The following ARSG variants were observed in gnomAD, a reference collection of about 807,000 sequenced individuals.
ARSG encodes the protein arylsulfatase G, also known as ASG.
Under a neutral mutation model 50.5 loss-of-function variants are expected in ARSG, and 37 were observed. The ratio of observed to expected loss-of-function variants is 0.73; its 90% CI spans 0.56 to 0.96. The LOEUF (loss-of-function observed/expected upper bound fraction) is 0.96. Ranked by LOEUF, ARSG falls within the 50% of genes least tolerant of loss-of-function variation. The pLI is 0.00. For synonymous variants in ARSG, 225 were observed against 254.6 expected (o/e 0.88, Z 1.11); for missense variants, 629 against 675.3 (o/e 0.93, Z 0.76).
Position 68,420,803 on chromosome 17 carries a change from C to A in ARSG, c.*340C>A, listed in dbSNP as rs2082722844. ...TTAAATAAAGGCATACATGAAAATG[C>A]CTGGCAAATTACCTGACACAGAGCA... is the stretch of plus-strand genomic sequence containing the variant. On this transcript the variant is annotated 3_prime_UTR_variant, in exon 12 of 12. Coordinates refer to ENST00000621439, the MANE Select transcript of ARSG (RefSeq NM_001267727.2). 1.4e-5 allele frequency: 4 copies of A among 286,538 alleles called. No individual in the cohort carries two copies. In the Middle Eastern group the frequency reaches 3.1e-3, roughly 221 times the overall value. The allele number at this position is 286,538 out of a possible 1,614,324, so 17.7% of individuals were successfully genotyped here.
chr17:68,380,383 C>T (rs1044071719), intron 8 of ARSG, among the ~76,000 whole-genome samples: 3 of 151,864 alleles, frequency 2.0e-5, no homozygotes, highest in South Asian at 2.1e-4. Flanking sequence ...CTTGGACTAC[C>T]AGCTAGGACT....
intron 2 of ARSG, among the ~76,000 whole-genome samples, chr17:68,309,241 C>T (rs2145625462): frequency 6.6e-6 from 1 of 152,358 alleles, no homozygotes; most frequent in South Asian, 2.1e-4. Context: ...CCCGGAACTC[C>T]AGCTGGCCCA....
downstream of ARSG, chr17:68,421,679 G>A: frequency 5.7e-6 from 9 of 1,565,266 alleles, no homozygotes; most frequent in Non-Finnish European, 7.9e-6. Context: ...CCCCCTTTCT[G>A]CTCACACAAT....
chr17:68,363,270 C>T (rs1383009338), intron 6 of ARSG, among the ~76,000 whole-genome samples: 2 of 152,056 alleles, frequency 1.3e-5, no homozygotes, highest in East Asian at 1.9e-4. Context: ...AGGGAGAATA[C>T]TGCTGAGAGA....
At chr17:68,370,606 G>C (rs2079790711) in intron 8 of ARSG, 82 bp downstream of exon 8, 1 of 1,293,932 alleles carries the variant, frequency 7.7e-7, no homozygotes, top group African/African-American at 1.5e-5. Flanking sequence ...TCCGGGTGGG[G>C]GACAACTTAT....
intron 8 of ARSG, among the ~76,000 whole-genome samples, chr17:68,371,508 C>T (rs2079845457): frequency 6.6e-6 from 1 of 152,140 alleles, no homozygotes; most frequent in Non-Finnish European, 1.5e-5. Flanking sequence ...AACTCAGCTC[C>T]CATCTGCTCT....
chr17:68,260,365 C>T (rs181076159), intron 1 of ARSG, among the ~76,000 whole-genome samples: 119 of 152,266 alleles, frequency 7.8e-4, no homozygotes, highest in African/African-American at 2.6e-3. Context: ...GGGTTGTTTA[C>T]AAGGGATTAT....
intron 4 of ARSG, among the ~76,000 whole-genome samples, chr17:68,349,513 G>A (rs1382708862): frequency 6.6e-6 from 1 of 152,164 alleles, no homozygotes; most frequent in Non-Finnish European, 1.5e-5. Flanking sequence ...GCATTTCAGG[G>A]CTATGTTGTG....
Position 68,385,063 on chromosome 17 carries a change from G to T in ARSG, c.983-1G>T. 6.2e-7 allele frequency: 1 copy of T among 1,613,528 alleles called. No individual in the cohort carries two copies. The highest frequency in any genetic ancestry group is 8.5e-7 in the Non-Finnish European group (1 of 1,179,586). On this transcript the variant is annotated splice_acceptor_variant, in intron 8 of 11. Transcript: ENST00000621439. LOFTEE classifies it high-confidence loss of function. ...ACCAGCTGCCTCCCCTCCTCTCACA[G>T]GGGGAAGTCCAGCCAAGCAGACGAC...
intron 8 of ARSG, among the ~76,000 whole-genome samples, chr17:68,373,620 C>T (rs569044384): frequency 1.3e-5 from 2 of 152,290 alleles, no homozygotes; most frequent in East Asian, 3.9e-4. Flanking sequence ...TATCTTGTGT[C>T]TGGAAATTTG....
chr17:68,361,040 G>T (rs1326883254), intron 6 of ARSG, among the ~76,000 whole-genome samples: 6 of 152,126 alleles, frequency 3.9e-5, no homozygotes, highest in African/African-American at 1.4e-4. Flanking sequence ...GGCCAAGCTT[G>T]TCTCGAACTC....
intron 2 of ARSG, among the ~76,000 whole-genome samples, chr17:68,313,094 T>C (rs924467452): frequency 7.9e-5 from 12 of 152,044 alleles, no homozygotes; most frequent in Middle Eastern, 3.4e-3. Flanking sequence ...ACGCTGTCAC[T>C]ACTAAAAATA....
chr17:68,420,435 A>G lies in ARSG; in HGVS notation c.1550A>G (p.Gln517Arg). 1 of 1,614,066 alleles carries G rather than the reference A, an allele frequency of 6.2e-7. No homozygotes were observed. The highest frequency in any genetic ancestry group is 8.5e-7 in the Non-Finnish European group (1 of 1,179,938). The change falls in exon 12 of 12, where the codon CAA becomes CGA. Residue 517 changes from glutamine to arginine, a missense_variant. Physicochemically the swap from Gln to Arg is conservative, Grantham distance 43. Coordinates refer to ENST00000621439, the MANE Select transcript of ARSG (RefSeq NM_001267727.2). ...PSVTPCCNPY[Q>R]IACRCQAA Reference sequence around the variant, plus strand: ...GTAACTCCCTGCTGTAATCCCTACCAAATTGCCTGCCGCTGTCAAGCCGCA... The same window carrying G: ...GTAACTCCCTGCTGTAATCCCTACCGAATTGCCTGCCGCTGTCAAGCCGCA...
intron 11 of ARSG, among the ~76,000 whole-genome samples, chr17:68,404,211 T>G (rs2081605951): frequency 6.6e-6 from 1 of 152,210 alleles, no homozygotes; most frequent in Admixed American, 6.5e-5. Context: ...TATAATCCTT[T>G]GGGTGTATAC....
chr17:68,445,975 C>G, the ARSG span, among the ~76,000 whole-genome samples: 1 of 152,124 alleles, frequency 6.6e-6, no homozygotes, highest in African/African-American at 2.4e-5. Flanking sequence ...CACACTGAGG[C>G]TCAAGAACCA....
chr17:68,430,614 C>T, the ARSG span, among the ~76,000 whole-genome samples: 1 of 152,184 alleles, frequency 6.6e-6, no homozygotes, highest in Non-Finnish European at 1.5e-5. Flanking sequence ...CCGGGCAAGA[C>T]ACTTTGGGTG....
the ARSG span, among the ~76,000 whole-genome samples, chr17:68,431,393 A>C: frequency 5.3e-5 from 8 of 151,866 alleles, no homozygotes; most frequent in East Asian, 1.4e-3. Flanking sequence ...CGTGGCGCAT[A>C]CTGTTTTATG....
the ARSG span, chr17:68,429,860 A>T: frequency 2.3e-6 from 3 of 1,287,226 alleles, no homozygotes; most frequent in Non-Finnish European, 3.3e-6. Context: ...AGGTTCCGGG[A>T]TTACAGATGT....
chr17:68,319,780 G>A (rs192959967), intron 2 of ARSG, among the ~76,000 whole-genome samples: 21 of 152,312 alleles, frequency 1.4e-4, no homozygotes, highest in Non-Finnish European at 2.8e-4. Context: ...CCTTTAGAAT[G>A]CAGGAGGGTA....
Sources: allele counts gnomAD v4.1 joint callset (sites outside exome capture counted in the v4.1 genomes callset), GRCh38; gene constraint gnomAD v4.1.1; transcripts MANE v1.5; gene names NCBI Gene and HGNC (gene_info 2026-07-23, HGNC 2026-07-21).